Variants in RAPH1 observed in about 807,000 individuals in gnomAD.
RAPH1 encodes Ras association (RalGDS/AF-6) and pleckstrin homology domains 1.
Under a neutral mutation model 88.1 loss-of-function variants are expected in RAPH1, and 18 were observed. That is an observed-to-expected ratio of 0.20 (90% CI 0.14 to 0.30). RAPH1 has a LOEUF of 0.30. Ranked by LOEUF, RAPH1 falls within the 10% of genes least tolerant of loss-of-function variation. The pLI, the probability that RAPH1 is intolerant of heterozygous loss-of-function variation, is 1.00. For missense variants in RAPH1, 1,448 were observed against 1,543.2 expected (o/e 0.94, Z 1.03); for synonymous variants, 587 against 559.0 (o/e 1.05, Z -0.71).
At chr2:203,516,397 T>C (rs1031579329) in intron 1 of RAPH1, among the ~76,000 whole-genome samples, 5 of 152,230 alleles carry the variant, frequency 3.3e-5, no homozygotes, top group African/African-American at 4.8e-5. Flanking sequence ...TGGCAGATAT[T>C]AATCCAATTA....
At chr2:203,517,225 A>C (rs970757305) in intron 1 of RAPH1, among the ~76,000 whole-genome samples, 6 of 152,048 alleles carry the variant, frequency 3.9e-5, no homozygotes, top group Non-Finnish European at 8.8e-5. Flanking sequence ...TTAATTTCAC[A>C]GTGGACTTTA....
rs529558516 is a variant in RAPH1 at position 203,439,180 on chromosome 2, T to A, written c.*257A>T. 2 of 375,948 alleles carry A rather than the reference T, an allele frequency of 5.3e-6. No homozygotes were observed. The highest frequency in any genetic ancestry group is 6.5e-5 in the South Asian group (1 of 15,400). 23.3% of individuals were successfully genotyped at this position (375,948 alleles called of 1,614,324 possible). ...AAATACAGAACACCCATTTTCAGAT[T>A]AGGAGAGAAAAGGAATAAATAGAAT... is the stretch of plus-strand genomic sequence containing the variant. On this transcript the variant is annotated 3_prime_UTR_variant, in exon 14 of 14. Coordinates refer to ENST00000319170, the MANE Select transcript of RAPH1 (RefSeq NM_213589.3).
At chr2:203,526,788 T>A (rs1282392948) in intron 1 of RAPH1, among the ~76,000 whole-genome samples, 2 of 147,878 alleles carry the variant, frequency 1.4e-5, no homozygotes, top group South Asian at 2.1e-4. Flanking sequence ...ATTTTTCTTT[T>A]TCTTTTTTTT....
Position 203,509,687 on chromosome 2 carries a change from G to C in RAPH1, c.1-14334C>G, listed in dbSNP as rs188343619. Among the ~76,000 whole-genome samples the C allele has an allele frequency of 9.9e-5, 15 of 152,256 alleles. 1 individual carries two copies. The East Asian group carries it at 1.5e-3, about 16-fold the overall frequency. The stretch of plus-strand genomic sequence containing the variant: ...TCCCCCACTGATATAGTTTGGATGG[G>C]TATCCCTGCAAATCTCATGTCAAAT... On this transcript the variant is annotated intron_variant, in intron 1 of 13. Transcript: ENST00000319170.
At chr2:203,502,040 A>T (rs1291373005) in intron 1 of RAPH1, among the ~76,000 whole-genome samples, 1 of 152,162 alleles carries the variant, frequency 6.6e-6, no homozygotes, top group East Asian at 1.9e-4. Context: ...TGCATGAAGC[A>T]AATTTAAAGG....
chr2:203,526,543 G>A (rs937689929), intron 1 of RAPH1, among the ~76,000 whole-genome samples: 4 of 151,896 alleles, frequency 2.6e-5, no homozygotes, highest in Non-Finnish European at 5.9e-5. Flanking sequence ...TGGCCAACAT[G>A]GTAAAACCCC....
intron 4 of RAPH1, among the ~76,000 whole-genome samples, chr2:203,480,400 A>T (rs921655035): frequency 2.0e-5 from 3 of 151,972 alleles, no homozygotes; most frequent in Non-Finnish European, 4.4e-5. Flanking sequence ...TTATAAAGAC[A>T]GGCCGGGTGT....
chr2:203,445,120 A>G, intron 12 of RAPH1, 110 bp from the exon 13 acceptor site: 1 of 856,032 alleles, frequency 1.2e-6, no homozygotes, highest in Non-Finnish European at 1.7e-6. Flanking sequence ...TGTGTACAAC[A>G]GCACCAAGTT....
At chr2:203,473,976 T>C (rs947747452) in intron 4 of RAPH1, among the ~76,000 whole-genome samples, 1 of 152,188 alleles carries the variant, frequency 6.6e-6, no homozygotes, top group African/African-American at 2.4e-5. Context: ...CCTCACAGAA[T>C]GTAGTCTAAA....
Position 203,448,039 on chromosome 2 carries a change from T to A in RAPH1, c.1553A>T (p.Lys518Met). The A allele has an allele frequency of 6.2e-7, 1 of 1,613,934 alleles. No individual in the cohort carries two copies. The highest frequency in any genetic ancestry group is 8.5e-7 in the Non-Finnish European group (1 of 1,179,850). The change falls in exon 12 of 14, where the codon AAG becomes ATG. Residue 518 changes from lysine to methionine, a missense_variant. Physicochemically the swap from Lys to Met is moderately conservative, Grantham distance 95. This residue lies in a region of RAPH1 where 513 missense variants were observed against 653.1 expected (regional missense o/e 0.79). Transcript: ENST00000319170. The surrounding 1 kb of genome is among the most constrained non-coding windows in gnomAD (Gnocchi z 4.1). ...CCAATCATAGGCTGACTCTGTCCTC[T>A]TCAAGGCTTCTTGGTAGTTCATATA... is the stretch of plus-strand genomic sequence containing the variant. ...QLYMNYQEALKRTESAYDWTS... is the reference protein window; with the variant it reads ...QLYMNYQEALMRTESAYDWTS...
intron 4 of RAPH1, among the ~76,000 whole-genome samples, chr2:203,462,801 G>T (rs2098525216): frequency 6.6e-6 from 1 of 152,064 alleles, no homozygotes; most frequent in South Asian, 2.1e-4. Flanking sequence ...ATATGCTGTG[G>T]CATTAATCTC....
At chr2:203,441,832 C>A (rs1029846338) in intron 13 of RAPH1, 1 of 1,326,608 alleles carries the variant, frequency 7.5e-7, no homozygotes, top group Non-Finnish European at 9.6e-7. Flanking sequence ...CCTTTCAGTC[C>A]ATGACTGCAT....
At chr2:203,507,730 C>T (rs1258127852) in intron 1 of RAPH1, among the ~76,000 whole-genome samples, 1 of 152,152 alleles carries the variant, frequency 6.6e-6, no homozygotes, top group East Asian at 1.9e-4. Context: ...GACATGACAA[C>T]TAAATACAAT....
At chr2:203,458,924 G>A (rs1488296745) in intron 7 of RAPH1, among the ~76,000 whole-genome samples, 3 of 151,908 alleles carry the variant, frequency 2.0e-5, no homozygotes, top group Non-Finnish European at 2.9e-5. Flanking sequence ...CACCACGCCC[G>A]GCTAATTTTT....
At chr2:203,496,840 A>G (rs1454940623) in intron 1 of RAPH1, among the ~76,000 whole-genome samples, 1 of 152,192 alleles carries the variant, frequency 6.6e-6, no homozygotes, top group East Asian at 1.9e-4. Flanking sequence ...CTCTTGACTC[A>G]CATTTCTAAA....
intron 1 of RAPH1, among the ~76,000 whole-genome samples, chr2:203,517,359 CAAAAAAAAAAAA>C (rs71408943): frequency 1.2e-3 from 40 of 32,156 alleles, no homozygotes; most frequent in African/African-American, 4.1e-3. Flanking sequence ...CTATGAGAGG[CAAAAAAAAAAAA>C]AAAAAAAAAA....
chr2:203,451,304 ATAT>A (rs762663669), intron 10 of RAPH1, among the ~76,000 whole-genome samples: 5 of 152,176 alleles, frequency 3.3e-5, no homozygotes, highest in Non-Finnish European at 5.9e-5. Context: ...TCTGAGTTAC[ATAT>A]TATTATCTCC....
At chr2:203,489,273 A>G (rs1275961771) in intron 4 of RAPH1, among the ~76,000 whole-genome samples, 8 of 152,188 alleles carry the variant, frequency 5.3e-5, no homozygotes. Context: ...AAATAACTAA[A>G]TGGTTTTGTG....
intron 7 of RAPH1, among the ~76,000 whole-genome samples, chr2:203,459,272 T>C (rs569559157): frequency 1.3e-5 from 2 of 152,362 alleles, no homozygotes; most frequent in East Asian, 3.9e-4. Context: ...TTATGCCATT[T>C]GAAGCATAAC....
Sources: gnomAD v4.1 joint callset for allele counts (sites outside exome capture counted in the v4.1 genomes callset) on GRCh38, gnomAD v4.1.1 for gene constraint, gnomAD v4.1.1 regional missense constraint, Gnocchi (gnomAD v3.1) non-coding constraint, MANE v1.5 for transcripts, NCBI Gene and HGNC (gene_info 2026-07-23, HGNC 2026-07-21) for gene names.